Variants in NIPBL observed in about 807,000 individuals in gnomAD.
NIPBL encodes the protein NIPBL cohesin loading factor, also known as nipped-B-like protein.
NIPBL carries 19 observed loss-of-function variants against 321.8 expected under a neutral mutation model. The ratio of observed to expected loss-of-function variants is 0.06; its 90% CI spans 0.04 to 0.09. The LOEUF is 0.09. Among genes scored for constraint, NIPBL ranks in the 10% least tolerant of loss-of-function variants. NIPBL has a pLI of 1.00. For synonymous variants in NIPBL, 1,106 were observed against 1,114.1 expected, an observed-to-expected ratio of 0.99 and a Z score of 0.14; for missense variants, 2,210 against 3,327.0, an observed-to-expected ratio of 0.66 and a Z score of 8.26.
chr5:36,950,038 A>C (rs1484519225), intron 1 of NIPBL, among the ~76,000 whole-genome samples: 1 of 151,848 alleles, frequency 6.6e-6, no homozygotes. Context: ...TTCTCAATGT[A>C]TTTTGTTCGA....
chr5:37,030,919 CTTTTTTTTTTTTT>C (rs11291612), intron 32 of NIPBL, among the ~76,000 whole-genome samples: 1 of 82,384 alleles, frequency 1.2e-5, no homozygotes, highest in Non-Finnish European at 2.3e-5. Flanking sequence ...CATGTTTAGC[CTTTTTTTTTTTTT>C]TTTTTTTTTT....
chr5:36,982,441 T>A (rs1450445027), intron 9 of NIPBL, among the ~76,000 whole-genome samples: 1 of 151,772 alleles, frequency 6.6e-6, no homozygotes, highest in Non-Finnish European at 1.5e-5. Context: ...AGAATCCTTG[T>A]CACAGTAATG....
At chr5:37,052,611 A>C in intron 42 of NIPBL, 45 bp downstream of exon 42, 2 of 1,446,644 alleles carry the variant, frequency 1.4e-6, no homozygotes, top group Non-Finnish European at 1.9e-6. Context: ...GTGCTCTAGA[A>C]ATTTTATGGA....
At chr5:36,972,430 C>T (rs982795560) in intron 8 of NIPBL, among the ~76,000 whole-genome samples, 3 of 152,050 alleles carry the variant, frequency 2.0e-5, no homozygotes, top group African/African-American at 7.2e-5. Flanking sequence ...TTCATTGATA[C>T]TTTTTTTCTT....
chr5:37,054,921 A>G (rs1419221947), intron 42 of NIPBL, among the ~76,000 whole-genome samples: 2 of 152,214 alleles, frequency 1.3e-5, no homozygotes, highest in Non-Finnish European at 2.9e-5. Flanking sequence ...GCAAAAAAAA[A>G]AACATTGTAA....
Position 36,955,540 on chromosome 5 carries a change from C to G in NIPBL, c.133C>G (p.Arg45Gly). The change falls in exon 3 of 47, where the codon CGA becomes GGA. Residue 45 changes from arginine (R) to glycine (G), a missense_variant. By Grantham distance (125) the Arg-to-Gly change is moderately radical. This residue lies in a region of NIPBL where 28 missense variants were observed against 65.5 expected (regional missense o/e 0.43). Transcript: ENST00000282516. ...TTTKSLLFNA[R>G]IAEEVNCLLA... ...TACAAAGAGCCTTCTCTTTAATGCA[C>G]GAATAGCAGAAGAGGTGAACTGCCT... is the stretch of plus-strand genomic sequence containing the variant. 6.2e-7 allele frequency: 1 copy of G among 1,613,768 alleles called. No homozygotes were observed. The highest frequency in any genetic ancestry group is 8.5e-7 in the Non-Finnish European group (1 of 1,179,750).
intron 6 of NIPBL, among the ~76,000 whole-genome samples, chr5:36,966,004 T>TA (rs1359821359): frequency 1.3e-5 from 2 of 152,034 alleles, no homozygotes; most frequent in Non-Finnish European, 2.9e-5. Context: ...CACCAACAGG[T>TA]ATCCTGCCAC....
intron 6 of NIPBL, 108 bp from the exon 7 acceptor site, chr5:36,970,763 GTTATA>G: frequency 1.2e-5 from 11 of 924,190 alleles, no homozygotes; most frequent in South Asian, 1.4e-5. Flanking sequence ...ATGAGTATCT[GTTATA>G]TTATTCTCTG....
intron 1 of NIPBL, among the ~76,000 whole-genome samples, chr5:36,900,943 T>C (rs889798733): frequency 6.6e-6 from 1 of 152,160 alleles, no homozygotes; most frequent in African/African-American, 2.4e-5. Flanking sequence ...TCCACTCCCT[T>C]TTTTTCCCCA....
At chr5:36,931,359 C>G (rs1749761262) in intron 1 of NIPBL, among the ~76,000 whole-genome samples, 1 of 151,840 alleles carries the variant, frequency 6.6e-6, no homozygotes, top group South Asian at 2.1e-4. Flanking sequence ...ACTCTGTCAC[C>G]CAGGCTGGAG....
intron 16 of NIPBL, among the ~76,000 whole-genome samples, 181 bp from the exon 17 acceptor site, chr5:37,006,176 A>T (rs953595032): frequency 3.9e-5 from 6 of 152,144 alleles, no homozygotes; most frequent in African/African-American, 1.4e-4. Context: ...GTTTGAAAAC[A>T]TTGAAACACA....
chr5:36,893,003 T>G lies in NIPBL; in HGVS notation c.-80+15825T>G, dbSNP rs138609483. On this transcript the variant is annotated intron_variant, in intron 1 of 46. Transcript: ENST00000282516. The stretch of plus-strand genomic sequence containing the variant: ...TGATTAAATTACTAGAAGATAATAC[T>G]ATTTCTTTTTAATGCTTTGTTTTCT... 2.1e-3 allele frequency among the ~76,000 whole-genome samples: 321 copies of G among 152,354 alleles called. 1 individual carries two copies. The highest frequency in any genetic ancestry group is 0.017 in the Middle Eastern group (5 of 294).
At chr5:36,934,484 T>C (rs1013935801) in intron 1 of NIPBL, among the ~76,000 whole-genome samples, 1 of 152,102 alleles carries the variant, frequency 6.6e-6, no homozygotes, top group Admixed American at 6.6e-5. Flanking sequence ...AGAGGATAGA[T>C]AGATTTTTGT....
chr5:36,928,832 C>T (rs554654895), intron 1 of NIPBL, among the ~76,000 whole-genome samples: 52 of 152,182 alleles, frequency 3.4e-4, no homozygotes, highest in Middle Eastern at 3.4e-3. Context: ...TATGACATAA[C>T]GTATCAGTAT....
At chr5:36,990,539 CCTTT>C (rs1358609004) in intron 10 of NIPBL, among the ~76,000 whole-genome samples, 2 of 152,002 alleles carry the variant, frequency 1.3e-5, no homozygotes, top group Admixed American at 1.3e-4. Flanking sequence ...TTATAAAATA[CCTTT>C]CTTAAAAACT....
At chr5:36,906,490 C>A (rs913788210) in intron 1 of NIPBL, among the ~76,000 whole-genome samples, 1 of 152,052 alleles carries the variant, frequency 6.6e-6, no homozygotes, top group Non-Finnish European at 1.5e-5. Context: ...AGTGATATGT[C>A]CTTTTTTCTA....
chr5:36,950,032 CA>C (rs1261732575), intron 1 of NIPBL, among the ~76,000 whole-genome samples: 1 of 151,858 alleles, frequency 6.6e-6, no homozygotes, highest in African/African-American at 2.4e-5. Context: ...AATGATTTCT[CA>C]ATGTATTTTG....
chr5:37,002,908 G>GT (rs965901125), intron 15 of NIPBL, 143 bp downstream of exon 15: 4 of 583,892 alleles, frequency 6.9e-6, no homozygotes, highest in South Asian at 2.4e-5. Context: ...GTCTAAATGA[G>GT]TTTTTTTGTT....
intron 10 of NIPBL, among the ~76,000 whole-genome samples, chr5:36,989,168 C>T (rs1234406726): frequency 6.6e-6 from 1 of 152,150 alleles, no homozygotes; most frequent in Non-Finnish European, 1.5e-5. Context: ...TTTTTCAAAT[C>T]CTGCTTCCTA....
Sources: allele counts gnomAD v4.1 joint callset (sites outside exome capture counted in the v4.1 genomes callset), GRCh38; gene constraint gnomAD v4.1.1; regional missense constraint gnomAD v4.1.1; transcripts MANE v1.5; gene names NCBI Gene and HGNC (gene_info 2026-07-23, HGNC 2026-07-21).